CDH13: variants seen among roughly 807,000 people sequenced by gnomAD.
CDH13 encodes cadherin-13.
Under a neutral mutation model 63.8 loss-of-function variants are expected in CDH13, and 24 were observed. The ratio of observed to expected loss-of-function variants is 0.38; its 90% CI spans 0.27 to 0.53. The LOEUF (loss-of-function observed/expected upper bound fraction) is 0.53. Ranked by LOEUF, CDH13 falls within the 20% of genes least tolerant of loss-of-function variation. CDH13 has a pLI of 0.85. For missense variants in CDH13, 1,049 were observed against 903.1 expected (o/e 1.16, Z -2.07); for synonymous variants, 503 against 355.3 (o/e 1.42, Z -4.67).
chr16:83,268,199 T>A (rs953845165), intron 5 of CDH13, among the ~76,000 whole-genome samples: 2 of 152,332 alleles, frequency 1.3e-5, no homozygotes, highest in East Asian at 1.9e-4. Context: ...GTACTGCAGT[T>A]TGTCTTTAGA....
At chr16:82,920,454 C>A (rs76308065) in intron 2 of CDH13, among the ~76,000 whole-genome samples, 2 of 152,156 alleles carry the variant, frequency 1.3e-5, no homozygotes, top group African/African-American at 2.4e-5. Flanking sequence ...ATGTGGCCAA[C>A]AAAGACAACA....
chr16:82,857,408 C>G (rs556429192), intron 1 of CDH13, among the ~76,000 whole-genome samples: 2 of 152,270 alleles, frequency 1.3e-5, no homozygotes, highest in African/African-American at 4.8e-5. Context: ...CTCAGTAGAA[C>G]CAGTGGTTGG....
At chr16:82,791,709 C>T (rs964723995) in intron 1 of CDH13, among the ~76,000 whole-genome samples, 10 of 152,200 alleles carry the variant, frequency 6.6e-5, no homozygotes, top group African/African-American at 1.7e-4. Context: ...TTGCCACTCC[C>T]GACTGGGCTA....
chr16:83,087,869 C>T (rs758615824), intron 3 of CDH13, among the ~76,000 whole-genome samples: 2 of 151,958 alleles, frequency 1.3e-5, no homozygotes, highest in African/African-American at 2.4e-5. Flanking sequence ...GGTTGTCTAG[C>T]AAGATGGTTT....
At chr16:83,073,888 A>C (rs1161704483) in intron 3 of CDH13, among the ~76,000 whole-genome samples, 1 of 152,048 alleles carries the variant, frequency 6.6e-6, no homozygotes, top group Non-Finnish European at 1.5e-5. Context: ...ACATATTTTT[A>C]GGATATATGT....
At chr16:83,778,877 G>C (rs1372998094) in intron 11 of CDH13, among the ~76,000 whole-genome samples, 1 of 152,200 alleles carries the variant, frequency 6.6e-6, no homozygotes, top group Non-Finnish European at 1.5e-5. Context: ...TCCTCAGTTA[G>C]AGTAGAGCTA....
intron 10 of CDH13, among the ~76,000 whole-genome samples, chr16:83,740,599 C>T (rs1911968060): frequency 6.6e-6 from 1 of 152,180 alleles, no homozygotes; most frequent in African/African-American, 2.4e-5. Flanking sequence ...TGCCAGCTGC[C>T]ATATGCCAGT....
chr16:83,406,422 C>CCG (rs1555544217), intron 6 of CDH13, among the ~76,000 whole-genome samples: 1 of 149,650 alleles, frequency 6.7e-6, no homozygotes, highest in Admixed American at 6.7e-5. Context: ...TTCTTTCCCC[C>CCG]CCCGCCTCTC....
At chr16:83,351,250 G>A (rs2090945612) in intron 6 of CDH13, among the ~76,000 whole-genome samples, 1 of 142,338 alleles carries the variant, frequency 7.0e-6, no homozygotes, top group Non-Finnish European at 1.5e-5. Context: ...AATCCTATGT[G>A]TTTCTGGAAT....
At chr16:83,437,515 C>G (rs925738786) in intron 6 of CDH13, among the ~76,000 whole-genome samples, 2 of 151,682 alleles carry the variant, frequency 1.3e-5, no homozygotes, top group Non-Finnish European at 2.9e-5. Flanking sequence ...GTCTCTACTA[C>G]AAATACAAAA....
chr16:83,305,989 C>G (rs933079296), intron 5 of CDH13, among the ~76,000 whole-genome samples: 1 of 152,154 alleles, frequency 6.6e-6, no homozygotes, highest in African/African-American at 2.4e-5. Flanking sequence ...ATTCTTGGCA[C>G]TATTTTCATT....
intron 3 of CDH13, among the ~76,000 whole-genome samples, chr16:83,054,097 T>C (rs966609371): frequency 6.6e-6 from 1 of 152,188 alleles, no homozygotes; most frequent in African/African-American, 2.4e-5. Context: ...CTAGGAACAA[T>C]AGGCTATACC....
At chr16:83,423,838 G>C (rs776457854) in intron 6 of CDH13, among the ~76,000 whole-genome samples, 1 of 152,244 alleles carries the variant, frequency 6.6e-6, no homozygotes, top group Non-Finnish European at 1.5e-5. Context: ...GAACTTCAGA[G>C]AATGCCAGAG....
Position 83,539,738 on chromosome 16 carries a change from G to A in CDH13, c.960+53083G>A, listed in dbSNP as rs1376587458. 2.0e-5 allele frequency among the ~76,000 whole-genome samples: 3 copies of A among 152,208 alleles called. No homozygotes were observed. In the East Asian group the frequency reaches 5.8e-4, roughly 29 times the overall value. On this transcript the variant is annotated intron_variant, in intron 7 of 13. Coordinates refer to ENST00000567109, the MANE Select transcript of CDH13 (RefSeq NM_001257.5). ...CCATTTCATAGATGAAGCAATTGCA[G>A]CATAGGGAGATGAAGTACCTTGTCC... is the stretch of plus-strand genomic sequence containing the variant.
At chr16:82,704,896 A>G (rs1470986013) in intron 1 of CDH13, among the ~76,000 whole-genome samples, 1 of 152,214 alleles carries the variant, frequency 6.6e-6, no homozygotes, top group Admixed American at 6.5e-5. Flanking sequence ...CAAAAGCAAC[A>G]TAATCAGTAT....
intron 4 of CDH13, among the ~76,000 whole-genome samples, chr16:83,154,958 G>T (rs1182129878): frequency 6.6e-6 from 1 of 152,120 alleles, no homozygotes; most frequent in African/African-American, 2.4e-5. Context: ...AAATTTTATG[G>T]TTTAGGGAAA....
At chr16:82,706,171 C>A (rs953762562) in intron 1 of CDH13, among the ~76,000 whole-genome samples, 2 of 151,798 alleles carry the variant, frequency 1.3e-5, no homozygotes, top group African/African-American at 4.8e-5. Flanking sequence ...CCCTTTTTCG[C>A]TCCCTCTTTC....
At chr16:82,844,506 C>T (rs1364487546) in intron 1 of CDH13, 1 of 149,356 alleles carries the variant, frequency 6.7e-6, no homozygotes, top group African/African-American at 2.5e-5. Flanking sequence ...GAGGCTGAGG[C>T]AGGAGAATGG....
intron 6 of CDH13, among the ~76,000 whole-genome samples, chr16:83,426,509 T>TCACACA (rs10545707): frequency 0.09 from 13,201 of 146,490 alleles, 757 homozygotes; most frequent in Non-Finnish European, 0.13. Flanking sequence ...ATGGAAACAA[T>TCACACA]CACACACACA....
Sources: allele counts gnomAD v4.1 joint callset (sites outside exome capture counted in the v4.1 genomes callset), GRCh38; gene constraint gnomAD v4.1.1; transcripts MANE v1.5; gene names NCBI Gene and HGNC (gene_info 2026-07-23, HGNC 2026-07-21).